SHTN1: variants seen among roughly 807,000 people sequenced by gnomAD.
SHTN1 encodes shootin 1, also known as shootin-1.
Under a neutral mutation model 83.1 loss-of-function variants are expected in SHTN1, and 42 were observed. That is an observed-to-expected ratio of 0.51 (90% CI 0.39 to 0.65). The LOEUF (loss-of-function observed/expected upper bound fraction) is 0.65, where lower values mean the gene tolerates loss of function less well. Among genes scored for constraint, SHTN1 ranks in the 30% least tolerant of loss-of-function variants. The probability of loss-of-function intolerance (pLI) is 0.00; values close to 1 mark genes in which losing one functional copy is unlikely to be tolerated. For missense variants in SHTN1, 622 were observed against 737.8 expected, an observed-to-expected ratio of 0.84 and a Z score of 1.82; for synonymous variants, 224 against 247.7, an observed-to-expected ratio of 0.90 and a Z score of 0.90.
chr10:117,056,388 G>A (rs1852826733), intron 1 of SHTN1, among the ~76,000 whole-genome samples: 3 of 152,186 alleles, frequency 2.0e-5, no homozygotes, highest in Admixed American at 2.0e-4. Context: ...TTTCAGGTAT[G>A]CAAGTTTAGT....
chr10:117,077,209 C>T (rs1853171695), intron 1 of SHTN1, among the ~76,000 whole-genome samples: 1 of 152,114 alleles, frequency 6.6e-6, no homozygotes, highest in African/African-American at 2.4e-5. Context: ...TCAGCTTTTC[C>T]CAACAGCTGA....
Position 116,917,164 on chromosome 10 carries a change from T to A in SHTN1, c.1196-1680A>T, listed in dbSNP as rs1232952132. On this transcript the variant is annotated intron_variant, in intron 12 of 16. Coordinates refer to ENST00000355371, the MANE Select transcript of SHTN1 (RefSeq NM_001127211.3). ...ATTCATTCAATCATTCATTCCTTTA[T>A]TCACTCACCCACTCAATATCTGAGT... Among the ~76,000 whole-genome samples the A allele has an allele frequency of 3.9e-5, 6 of 152,326 alleles. No individual in the cohort carries two copies. In the East Asian group the frequency reaches 1.2e-3, roughly 29 times the overall value.
intron 1 of SHTN1, among the ~76,000 whole-genome samples, chr10:117,065,795 A>G (rs1440516194): frequency 2.2e-4 from 5 of 22,406 alleles, no homozygotes; most frequent in African/African-American, 3.3e-4. Context: ...GAAGGAAGGA[A>G]GGAAGGAAGG....
At chr10:117,072,420 C>T (rs563731778) in intron 1 of SHTN1, among the ~76,000 whole-genome samples, 17 of 152,182 alleles carry the variant, frequency 1.1e-4, no homozygotes, top group Admixed American at 4.6e-4. Flanking sequence ...TCAAGAAACC[C>T]GAGAGGACCC....
intron 12 of SHTN1, among the ~76,000 whole-genome samples, chr10:116,920,657 T>G (rs1190879567): frequency 6.6e-6 from 1 of 152,152 alleles, no homozygotes; most frequent in Non-Finnish European, 1.5e-5. Flanking sequence ...GCTTAAAATT[T>G]CTACTGCTCT....
intron 4 of SHTN1, among the ~76,000 whole-genome samples, chr10:116,958,181 GA>G (rs904551114): frequency 6.6e-6 from 1 of 151,766 alleles, no homozygotes; most frequent in African/African-American, 2.4e-5. Flanking sequence ...TTGCTCTCAG[GA>G]AAAAAAATGA....
rs965433638 is a variant in SHTN1 at position 116,933,946 on chromosome 10, G to T, written c.859-3944C>A. Among the ~76,000 whole-genome samples the T allele has an allele frequency of 3.9e-5, 6 of 152,072 alleles. No individual in the cohort carries two copies. In the East Asian group the frequency reaches 7.7e-4, roughly 20 times the overall value. On this transcript the variant is annotated intron_variant, in intron 9 of 16. Transcript: ENST00000355371. ...ATGATGAGCTTTTTTTCATATGTTT[G>T]TTGGCCACATAAATGTCTTCTTTTG...
At position 116,881,634 on chromosome 10, in the gene SHTN1, G is replaced by A. The variant is rs1408762508; in HGVS notation, c.*4710C>T. ...GCCCACCTTCCCCACACAAGGTGTA[G>A]AGGAATCAGCCGAAACAGGAGCATC... On this transcript the variant is annotated 3_prime_UTR_variant, in exon 17 of 17. Transcript: ENST00000355371. 6 of 1,549,082 alleles carry A rather than the reference G, an allele frequency of 3.9e-6. No individual in the cohort carries two copies. The Admixed American group carries it at 1.2e-4, about 30-fold the overall frequency.
chr10:116,903,542 C>A (rs1234078377), intron 15 of SHTN1, among the ~76,000 whole-genome samples: 1 of 152,016 alleles, frequency 6.6e-6, no homozygotes, highest in Non-Finnish European at 1.5e-5. Context: ...AAAAAAAAGG[C>A]CTTTTCCTCC....
At chr10:117,093,102 T>C (rs555503449) in intron 1 of SHTN1, among the ~76,000 whole-genome samples, 1 of 152,290 alleles carries the variant, frequency 6.6e-6, no homozygotes, top group Admixed American at 6.5e-5. Flanking sequence ...ATCATTAGTA[T>C]TACTATCCTC....
intron 16 of SHTN1, among the ~76,000 whole-genome samples, chr10:116,895,190 T>C (rs1192813930): frequency 1.3e-5 from 2 of 152,214 alleles, no homozygotes; most frequent in Admixed American, 6.5e-5. Context: ...TAAAAGCATC[T>C]TTCTAATCCA....
At chr10:117,031,882 G>A (rs750965938) in intron 2 of SHTN1, among the ~76,000 whole-genome samples, 4 of 151,994 alleles carry the variant, frequency 2.6e-5, no homozygotes, top group African/African-American at 4.8e-5. Flanking sequence ...ATAACAAAAC[G>A]GCAGGAGTAA....
chr10:116,976,883 C>T (rs1250799786), intron 2 of SHTN1, among the ~76,000 whole-genome samples: 1 of 152,114 alleles, frequency 6.6e-6, no homozygotes, highest in Non-Finnish European at 1.5e-5. Flanking sequence ...CTTTTCTTCC[C>T]GTTTCTGTTA....
chr10:116,981,895 A>G (rs1851033577), intron 1 of SHTN1, among the ~76,000 whole-genome samples: 1 of 152,094 alleles, frequency 6.6e-6, no homozygotes, highest in Non-Finnish European at 1.5e-5. Flanking sequence ...CGTCTCTACT[A>G]AAAATACAAA....
chr10:116,896,399 C>A (rs1467137164), intron 16 of SHTN1, among the ~76,000 whole-genome samples: 1 of 152,122 alleles, frequency 6.6e-6, no homozygotes, highest in East Asian at 1.9e-4. Flanking sequence ...AAATGTGGGA[C>A]TAGTCAACCT....
chr10:117,113,582 T>A (rs1393885746), intron 1 of SHTN1, among the ~76,000 whole-genome samples: 1 of 152,164 alleles, frequency 6.6e-6, no homozygotes, highest in Non-Finnish European at 1.5e-5. Flanking sequence ...GGTAACCATA[T>A]GCGTTCATGC....
chr10:117,011,431 C>T (rs1852101262), intron 2 of SHTN1, among the ~76,000 whole-genome samples: 1 of 152,126 alleles, frequency 6.6e-6, no homozygotes, highest in South Asian at 2.1e-4. Context: ...TTTTGGGGCT[C>T]TCTATTTTAT....
chr10:117,013,357 A>C (rs1441210487), intron 2 of SHTN1, among the ~76,000 whole-genome samples: 1 of 152,078 alleles, frequency 6.6e-6, no homozygotes, highest in African/African-American at 2.4e-5. Flanking sequence ...TATTTTTAGT[A>C]GAGACAGGGT....
At chr10:116,905,155 T>C (rs988334642) in intron 15 of SHTN1, among the ~76,000 whole-genome samples, 7 of 149,712 alleles carry the variant, frequency 4.7e-5, no homozygotes, top group Non-Finnish European at 1.0e-4. Flanking sequence ...TGAGCCGAGA[T>C]TGCGCCACTG....
Sources: allele counts gnomAD v4.1 joint callset (sites outside exome capture counted in the v4.1 genomes callset), GRCh38; gene constraint gnomAD v4.1.1; transcripts MANE v1.5; gene names NCBI Gene and HGNC (gene_info 2026-07-23, HGNC 2026-07-21).